The following RBFOX1 variants were observed in gnomAD, a reference collection of about 807,000 sequenced individuals.
RBFOX1 encodes RNA binding fox-1 homolog 1, also known as RNA binding protein fox-1 homolog 1.
A neutral mutation model predicts 57.7 loss-of-function variants in RBFOX1; 8 were observed. The observed-to-expected ratio is 0.14, with a 90% CI of 0.08 to 0.25. RBFOX1 has a LOEUF of 0.25. RBFOX1 is among the 10% of genes least tolerant of loss of function. The pLI is 1.00. For missense variants in RBFOX1, 611 were observed against 548.5 expected, an observed-to-expected ratio of 1.11 and a Z score of -1.14; for synonymous variants, 326 against 222.4, an observed-to-expected ratio of 1.47 and a Z score of -4.15.
chr16:6,112,714 C>T (rs879921424), intron 1 of RBFOX1, among the ~76,000 whole-genome samples: 1 of 152,106 alleles, frequency 6.6e-6, no homozygotes, highest in African/African-American at 2.4e-5. Flanking sequence ...GGAGCAAGTT[C>T]TGAGGTGAGA....
In RBFOX1 at chr16:6,519,353, G is replaced by A. The variant is rs75754465; in HGVS notation, c.-63-135250G>A. Among the ~76,000 whole-genome samples the A allele has an allele frequency of 4.1e-3, 629 of 152,248 alleles. 6 individuals are homozygous for A. Among genetic ancestry groups the A allele is most frequent in the African/African-American group, 0.014 (579 of 41,540 alleles). On this transcript the variant is annotated intron_variant, in intron 2 of 15. Transcript: ENST00000550418. Reference sequence around the variant, plus strand: ...TACTTCCTTTTGGAGAAGAAATACTGTACATGGGGATATAGCCCTCCACCT... The same window carrying A: ...TACTTCCTTTTGGAGAAGAAATACTATACATGGGGATATAGCCCTCCACCT...
At chr16:5,340,527 GT>G (rs1287524846) in intron 1 of RBFOX1, among the ~76,000 whole-genome samples, 1 of 152,216 alleles carries the variant, frequency 6.6e-6, no homozygotes, top group Non-Finnish European at 1.5e-5. Flanking sequence ...GAGGAGAGAA[GT>G]TTTTGGTAAC....
At chr16:7,363,758 A>G (rs551590568) in intron 4 of RBFOX1, among the ~76,000 whole-genome samples, 96 of 152,238 alleles carry the variant, frequency 6.3e-4, no homozygotes, top group African/African-American at 2.0e-3. Flanking sequence ...TGATTCTTCT[A>G]TAGACGTTTG....
intron 14 of RBFOX1, among the ~76,000 whole-genome samples, chr16:7,681,442 G>T (rs2074715982): frequency 6.6e-6 from 1 of 152,124 alleles, no homozygotes; most frequent in Non-Finnish European, 1.5e-5. Flanking sequence ...CATTAGCGCA[G>T]GCTACTTCCT....
At chr16:6,965,735 T>C (rs1321146976) in intron 3 of RBFOX1, among the ~76,000 whole-genome samples, 1 of 152,246 alleles carries the variant, frequency 6.6e-6, no homozygotes, top group Non-Finnish European at 1.5e-5. Context: ...ATGGGAATGA[T>C]AATAATCATG....
intron 4 of RBFOX1, among the ~76,000 whole-genome samples, chr16:7,311,609 C>G (rs2096311419): frequency 6.6e-6 from 1 of 151,780 alleles, no homozygotes; most frequent in African/African-American, 2.4e-5. Flanking sequence ...CTTGCTCTGC[C>G]TGAAGCCAGG....
At chr16:7,007,027 A>G (rs2093345348) in intron 3 of RBFOX1, among the ~76,000 whole-genome samples, 1 of 152,230 alleles carries the variant, frequency 6.6e-6, no homozygotes, top group Non-Finnish European at 1.5e-5. Context: ...ACGGTTCTAT[A>G]GGTGAGAAAT....
intron 1 of RBFOX1, among the ~76,000 whole-genome samples, chr16:6,289,865 G>A (rs1210647726): frequency 1.3e-5 from 2 of 152,126 alleles, no homozygotes; most frequent in Admixed American, 1.3e-4. Flanking sequence ...CTCAGTAAGA[G>A]AATAATGATT....
intron 4 of RBFOX1, among the ~76,000 whole-genome samples, chr16:7,441,000 C>G (rs527989909): frequency 2.0e-5 from 3 of 152,178 alleles, no homozygotes; most frequent in East Asian, 3.9e-4. Context: ...TAGGATCATG[C>G]CACTGTGCTT....
chr16:6,142,308 A>G (rs1432936462), intron 1 of RBFOX1, among the ~76,000 whole-genome samples: 1 of 134,486 alleles, frequency 7.4e-6, no homozygotes, highest in Non-Finnish European at 1.5e-5. Flanking sequence ...TGCAAGCTCC[A>G]CCTCCTGAGT....
intron 2 of RBFOX1, among the ~76,000 whole-genome samples, chr16:6,523,477 C>T (rs900482650): frequency 6.6e-6 from 1 of 152,128 alleles, no homozygotes; most frequent in Non-Finnish European, 1.5e-5. Flanking sequence ...GAAGGCAGCT[C>T]CAGTCTTTCA....
intron 2 of RBFOX1, among the ~76,000 whole-genome samples, chr16:6,592,064 A>G (rs2097718867): frequency 6.6e-6 from 1 of 152,170 alleles, no homozygotes. Flanking sequence ...TGTGTGTGAA[A>G]TTGGAGATTT....
At chr16:6,077,965 C>G (rs1468426514) in intron 1 of RBFOX1, among the ~76,000 whole-genome samples, 1 of 152,104 alleles carries the variant, frequency 6.6e-6, no homozygotes, top group Admixed American at 6.5e-5. Context: ...TGAGTGAAGT[C>G]TCAGTAAAAT....
intron 4 of RBFOX1, among the ~76,000 whole-genome samples, chr16:7,334,893 C>T (rs2096758201): frequency 6.6e-6 from 1 of 152,178 alleles, no homozygotes; most frequent in Non-Finnish European, 1.5e-5. Context: ...TTCCAAGCGA[C>T]ACCTCTGGTA....
intron 2 of RBFOX1, among the ~76,000 whole-genome samples, chr16:6,397,974 A>G (rs1052878334): frequency 1.6e-4 from 25 of 152,224 alleles, no homozygotes; most frequent in Admixed American, 1.6e-3. Context: ...ACAACGGCAT[A>G]ACAAAAACAA....
intron 3 of RBFOX1, among the ~76,000 whole-genome samples, chr16:5,771,234 C>G (rs1265661292): frequency 1.3e-5 from 2 of 152,218 alleles, no homozygotes; most frequent in East Asian, 1.9e-4. Flanking sequence ...TAGGTGCGAC[C>G]TAGGTTGTTG....
intron 3 of RBFOX1, among the ~76,000 whole-genome samples, chr16:6,727,074 G>GAGAGACACACAAAACACACAC (rs1307430687): frequency 9.5e-5 from 14 of 148,144 alleles, no homozygotes; most frequent in African/African-American, 3.3e-4. Context: ...CAGACACAGA[G>GAGAGACACACAAAACACACAC]AGAGACACAC....
At chr16:6,157,324 G>C (rs1597878838) in intron 1 of RBFOX1, among the ~76,000 whole-genome samples, 1 of 152,022 alleles carries the variant, frequency 6.6e-6, no homozygotes, top group African/African-American at 2.4e-5. Context: ...CTGGGCAAAT[G>C]GTTGCCAGAT....
chr16:6,813,627 G>A (rs1344018749), intron 3 of RBFOX1, among the ~76,000 whole-genome samples: 1 of 152,154 alleles, frequency 6.6e-6, no homozygotes, highest in East Asian at 1.9e-4. Context: ...TCAATCTGAA[G>A]AACTGAGTAG....
Sources: allele counts gnomAD v4.1 joint callset (sites outside exome capture counted in the v4.1 genomes callset), GRCh38; gene constraint gnomAD v4.1.1; transcripts MANE v1.5; gene names NCBI Gene and HGNC (gene_info 2026-07-23, HGNC 2026-07-21).